Variants in PCDH17 observed in about 807,000 individuals in gnomAD.
PCDH17 encodes protocadherin-17.
A neutral mutation model predicts 67.7 loss-of-function variants in PCDH17; 21 were observed. The observed-to-expected ratio is 0.31, with a 90% CI of 0.22 to 0.45. PCDH17 has a LOEUF of 0.45. Ranked by LOEUF, PCDH17 falls within the 20% of genes least tolerant of loss-of-function variation. PCDH17 has a pLI of 1.00. For missense variants in PCDH17, 1,471 were observed against 1,564.8 expected (o/e 0.94, Z 1.01); for synonymous variants, 701 against 656.7 (o/e 1.07, Z -1.03).
intron 1 of PCDH17, among the ~76,000 whole-genome samples, chr13:57,656,269 G>C (rs577805691): frequency 4.3e-4 from 66 of 152,154 alleles, no homozygotes; most frequent in African/African-American, 1.6e-3. Flanking sequence ...TAGTTTCCAA[G>C]CATGTCCATA....
chr13:57,704,181 G>T (rs1225429792), intron 3 of PCDH17, among the ~76,000 whole-genome samples: 3 of 152,020 alleles, frequency 2.0e-5, no homozygotes, highest in Non-Finnish European at 4.4e-5. Flanking sequence ...TCACAACCCG[G>T]CTGTACCTGT....
intron 1 of PCDH17, among the ~76,000 whole-genome samples, chr13:57,640,506 G>T (rs934337397): frequency 6.6e-6 from 1 of 151,982 alleles, no homozygotes; most frequent in African/African-American, 2.4e-5. Flanking sequence ...CTAAGGAACA[G>T]CTCAAGCTTT....
intron 3 of PCDH17, among the ~76,000 whole-genome samples, chr13:57,685,428 G>A (rs1955496283): frequency 1.3e-5 from 2 of 151,900 alleles, no homozygotes; most frequent in Admixed American, 6.6e-5. Context: ...TATAAGGAAC[G>A]AAGGTGTGAA....
chr13:57,664,559 A>G (rs753902131), intron 1 of PCDH17, among the ~76,000 whole-genome samples: 1 of 152,188 alleles, frequency 6.6e-6, no homozygotes, highest in Non-Finnish European at 1.5e-5. Flanking sequence ...ATGAGGCTCC[A>G]CTTAATTAAA....
chr13:57,718,734 T>A (rs1955846137), intron 3 of PCDH17, among the ~76,000 whole-genome samples: 2 of 152,048 alleles, frequency 1.3e-5, no homozygotes, highest in Non-Finnish European at 2.9e-5. Flanking sequence ...CATTTTCTGA[T>A]GAGATTTCTG....
At chr13:57,677,172 C>T (rs1955400809) in intron 3 of PCDH17, among the ~76,000 whole-genome samples, 1 of 151,918 alleles carries the variant, frequency 6.6e-6, no homozygotes, top group East Asian at 2.0e-4. Context: ...TCACATAGAG[C>T]TTACATTCCA....
intron 3 of PCDH17, among the ~76,000 whole-genome samples, chr13:57,700,920 G>A (rs756878322): frequency 7.9e-5 from 12 of 151,922 alleles, no homozygotes; most frequent in South Asian, 2.1e-4. Context: ...TCCCAACTAC[G>A]TCGGAGGTTG....
chr13:57,713,085 C>T (rs1206900275), intron 3 of PCDH17, among the ~76,000 whole-genome samples: 1 of 151,656 alleles, frequency 6.6e-6, no homozygotes, highest in Non-Finnish European at 1.5e-5. Context: ...TTTTGCCCCT[C>T]AGTTTGATTA....
intron 3 of PCDH17, among the ~76,000 whole-genome samples, chr13:57,703,642 T>G (rs973953144): frequency 6.6e-6 from 1 of 152,148 alleles, no homozygotes; most frequent in Non-Finnish European, 1.5e-5. Flanking sequence ...TTAGAACAAT[T>G]GCACAGCATG....
rs537402554 is a variant in PCDH17, at chr13:57,679,032, A to G, written c.2797+12199A>G. On this transcript the variant is annotated intron_variant, in intron 3 of 3. Coordinates refer to ENST00000377918, the MANE Select transcript of PCDH17 (RefSeq NM_001040429.3). ...CAAACACATTAACATTGTGTAGTGA[A>G]ATATCTGAATACTCGCACTAAATAG... Among the ~76,000 whole-genome samples, 72 of 151,630 alleles carry G rather than the reference A, an allele frequency of 4.7e-4. No individual in the cohort carries two copies. In the South Asian group the frequency reaches 0.015, roughly 31 times the overall value.
intron 3 of PCDH17, among the ~76,000 whole-genome samples, chr13:57,690,227 A>G (rs1391216638): frequency 6.6e-6 from 1 of 151,732 alleles, no homozygotes; most frequent in African/African-American, 2.4e-5. Context: ...ATCCATATTC[A>G]TGCTGGGTTT....
rs1469562449 is a variant in PCDH17 at position 57,633,188 on chromosome 13, T to C, written c.642T>C (p.Thr214=). 2.5e-6 allele frequency: 4 copies of C among 1,613,206 alleles called. No homozygotes were observed. The highest frequency in any genetic ancestry group is 3.4e-6 in the Non-Finnish European group (4 of 1,179,996). The stretch of plus-strand genomic sequence containing the variant: ...AGAATCACCATACGCTCGTGCTGAC[T>C]GCCCTGGACGGTGGCGAGCCTCCAC... The part of the protein sequence containing the change: ...EQQNHHTLVL[T]ALDGGEPPRS... Residue 214 remains threonine, a synonymous_variant, in exon 1 of 4, where the codon ACT becomes ACC. Coordinates refer to ENST00000377918, the MANE Select transcript of PCDH17 (RefSeq NM_001040429.3). The surrounding 1 kb of genome is among the most constrained non-coding windows in gnomAD (Gnocchi z 6.2).
Position 57,724,694 on chromosome 13 carries a change from A to T in PCDH17, c.2880A>T (p.Ala960=), listed in dbSNP as rs76721163. Residue 960 remains alanine (A), a synonymous_variant, in exon 4 of 4, where the codon GCA becomes GCT. Coordinates refer to ENST00000377918, the MANE Select transcript of PCDH17 (RefSeq NM_001040429.3). ...SDRCWMPQFP[A]ANQAENADYR... The stretch of plus-strand genomic sequence containing the variant: ...GGTGCTGGATGCCACAGTTCCCTGC[A>T]GCCAATCAGGCTGAAAATGCAGATT... 6.2e-7 allele frequency: 1 copy of T among 1,613,998 alleles called. No individual in the cohort carries two copies. The highest frequency in any genetic ancestry group is 1.3e-5 in the African/African-American group (1 of 74,944).
At chr13:57,637,783 C>T (rs1316571117) in intron 1 of PCDH17, among the ~76,000 whole-genome samples, 1 of 151,960 alleles carries the variant, frequency 6.6e-6, no homozygotes, top group African/African-American at 2.4e-5. Context: ...AATTTAGGAA[C>T]TTTATGATTT....
At chr13:57,691,611 G>A (rs1480468835) in intron 3 of PCDH17, among the ~76,000 whole-genome samples, 2 of 150,984 alleles carry the variant, frequency 1.3e-5, no homozygotes, top group African/African-American at 4.8e-5. Flanking sequence ...GCTATTTTTG[G>A]TACTCATAGA....
chr13:57,648,774 C>T (rs539168031), intron 1 of PCDH17, among the ~76,000 whole-genome samples: 5 of 151,958 alleles, frequency 3.3e-5, no homozygotes, highest in South Asian at 2.1e-4. Context: ...ACTAAAATCA[C>T]GTACCATGAT....
At chr13:57,657,618 T>C (rs142280817) in intron 1 of PCDH17, among the ~76,000 whole-genome samples, 1 of 152,300 alleles carries the variant, frequency 6.6e-6, no homozygotes, top group African/African-American at 2.4e-5. Flanking sequence ...CTCCCTTGTG[T>C]TCAGTCTACT....
intron 3 of PCDH17, among the ~76,000 whole-genome samples, chr13:57,709,228 A>C (rs1406059436): frequency 6.6e-6 from 1 of 151,734 alleles, no homozygotes; most frequent in Non-Finnish European, 1.5e-5. Flanking sequence ...ATATTGTATA[A>C]CTAATATTAA....
intron 3 of PCDH17, among the ~76,000 whole-genome samples, chr13:57,707,013 A>C (rs545671790): frequency 6.6e-6 from 1 of 152,208 alleles, no homozygotes; most frequent in East Asian, 1.9e-4. Flanking sequence ...TTACAAAAGT[A>C]ATTGTGGTTT....
Sources: allele counts gnomAD v4.1 joint callset (sites outside exome capture counted in the v4.1 genomes callset), GRCh38; gene constraint gnomAD v4.1.1; non-coding constraint Gnocchi (gnomAD v3.1); transcripts MANE v1.5; gene names NCBI Gene and HGNC (gene_info 2026-07-23, HGNC 2026-07-21).